Variants in OSBPL1A observed in about 807,000 individuals in gnomAD.
The protein encoded by OSBPL1A is oxysterol-binding protein-related protein 1.
A neutral mutation model predicts 137.1 loss-of-function variants in OSBPL1A; 80 were observed. The ratio of observed to expected loss-of-function variants is 0.58; its 90% CI spans 0.49 to 0.70. The LOEUF (loss-of-function observed/expected upper bound fraction) is 0.70, where lower values mean the gene tolerates loss of function less well. Among genes scored for constraint, OSBPL1A ranks in the 30% least tolerant of loss-of-function variants. The pLI is 0.00. For missense variants in OSBPL1A, 970 were observed against 1,129.4 expected (o/e 0.86, Z 2.02); for synonymous variants, 365 against 389.7 (o/e 0.94, Z 0.75).
At chr18:24,396,000 C>G (rs929695416) in intron 1 of OSBPL1A, among the ~76,000 whole-genome samples, 5 of 150,060 alleles carry the variant, frequency 3.3e-5, no homozygotes, top group African/African-American at 1.2e-4. Flanking sequence ...GCAGGCGGAT[C>G]ATAAGGTCAG....
At chr18:24,297,639 T>C (rs2090317225) in intron 14 of OSBPL1A, among the ~76,000 whole-genome samples, 4 of 152,224 alleles carry the variant, frequency 2.6e-5, no homozygotes, top group Admixed American at 2.6e-4. Flanking sequence ...CCATCTTGAT[T>C]TGTTAACTCA....
chr18:24,209,456 A>G (rs2087470156), intron 17 of OSBPL1A, among the ~76,000 whole-genome samples: 1 of 152,260 alleles, frequency 6.6e-6, no homozygotes, highest in African/African-American at 2.4e-5. Context: ...GCAAAATGGT[A>G]CATATTCAGG....
At position 24,162,635 on chromosome 18, in the gene OSBPL1A, T is replaced by C. The variant is rs1288357805; in HGVS notation, c.*544A>G. 6.6e-6 allele frequency: 1 copy of C among 152,170 alleles called. No homozygotes were observed. Among genetic ancestry groups the C allele is most frequent in the Admixed American group, 6.5e-5 (1 of 15,276 alleles). The allele number at this position is 152,170 out of a possible 1,614,324, so 9.4% of individuals were successfully genotyped here. On this transcript the variant is annotated 3_prime_UTR_variant, in exon 28 of 28. Transcript: ENST00000319481. ...GAATATTCAGGCATTTTTTTTCTTC[T>C]TGGAAGATGGAAGGGGTAACATTGG...
At chr18:24,334,387 T>C in intron 5 of OSBPL1A, 57 bp from the exon 6 acceptor site, 1 of 1,393,474 alleles carries the variant, frequency 7.2e-7, no homozygotes, top group Non-Finnish European at 9.9e-7. Context: ...TACAAATTCA[T>C]TATAAAGAAT....
chr18:24,336,390 T>C (rs2091174387), intron 5 of OSBPL1A, among the ~76,000 whole-genome samples: 1 of 152,186 alleles, frequency 6.6e-6, no homozygotes, highest in Admixed American at 6.5e-5. Context: ...GTTCCTGTCC[T>C]GTATTCTTTC....
chr18:24,295,582 A>G (rs2090274540), intron 14 of OSBPL1A, among the ~76,000 whole-genome samples: 1 of 152,196 alleles, frequency 6.6e-6, no homozygotes, highest in South Asian at 2.1e-4. Context: ...TGATTTTTAT[A>G]TAAGGCAGAG....
chr18:24,315,940 A>T (rs1372696505), intron 11 of OSBPL1A, among the ~76,000 whole-genome samples: 7 of 140,338 alleles, frequency 5.0e-5, no homozygotes, highest in African/African-American at 1.6e-4. Flanking sequence ...AATAATATTA[A>T]TAATATTAAG....
intron 17 of OSBPL1A, among the ~76,000 whole-genome samples, chr18:24,214,302 G>T (rs2087630339): frequency 6.6e-6 from 1 of 152,224 alleles, no homozygotes. Flanking sequence ...ATGCTGCACA[G>T]ATCAGAGCTA....
chr18:24,344,337 C>A (rs2091313181), intron 4 of OSBPL1A, among the ~76,000 whole-genome samples: 1 of 152,136 alleles, frequency 6.6e-6, no homozygotes, highest in Non-Finnish European at 1.5e-5. Flanking sequence ...GTAGTCCCAG[C>A]AGCTACTCAG....
chr18:24,308,147 A>C (rs1599645291), intron 13 of OSBPL1A, among the ~76,000 whole-genome samples: 3 of 143,246 alleles, frequency 2.1e-5, no homozygotes, highest in African/African-American at 2.6e-5. Context: ...ACAGGGTCTC[A>C]CTCTGTCGCC....
In OSBPL1A at chr18:24,189,796, G is replaced by A. The variant is rs796178860; in HGVS notation, c.1677+6329C>T. ...ATAGCTGCCTGCGGCCGCTCTGGAT[G>A]GGCAGTTTGAAAAAGAGCCTGCTGC... On this transcript the variant is annotated intron_variant, in intron 18 of 27. Coordinates refer to ENST00000319481, the MANE Select transcript of OSBPL1A (RefSeq NM_080597.4). Among the ~76,000 whole-genome samples the A allele has an allele frequency of 1.3e-4, 20 of 152,276 alleles. 1 individual carries two copies. The highest frequency in any genetic ancestry group is 4.6e-4 in the African/African-American group (19 of 41,558).
intron 2 of OSBPL1A, 52 bp from the exon 3 acceptor site, chr18:24,368,424 C>T: frequency 7.3e-7 from 1 of 1,363,470 alleles, no homozygotes; most frequent in African/African-American, 1.4e-5. Flanking sequence ...GGTAATTTTA[C>T]AACGAAATTA....
intron 21 of OSBPL1A, among the ~76,000 whole-genome samples, chr18:24,175,103 T>TATATATATATATATATATATAC (rs1567919871): frequency 3.0e-4 from 11 of 37,052 alleles, no homozygotes; most frequent in African/African-American, 1.2e-3. Flanking sequence ...ATTTGCCATG[T>TATATATATATATATATATATAC]GTATGTATAT....
At chr18:24,299,104 G>C (rs1362297279) in intron 14 of OSBPL1A, among the ~76,000 whole-genome samples, 1 of 152,020 alleles carries the variant, frequency 6.6e-6, no homozygotes, top group African/African-American at 2.4e-5. Context: ...CCTTTACCTT[G>C]AGTTTATATG....
intron 14 of OSBPL1A, among the ~76,000 whole-genome samples, chr18:24,298,529 T>G (rs1266844871): frequency 2.0e-5 from 3 of 152,178 alleles, no homozygotes; most frequent in Admixed American, 2.0e-4. Flanking sequence ...GTCTTTTTAG[T>G]AGAGACGGGG....
At chr18:24,238,654 T>C (rs946985121) in intron 16 of OSBPL1A, among the ~76,000 whole-genome samples, 3 of 152,324 alleles carry the variant, frequency 2.0e-5, no homozygotes, top group East Asian at 1.9e-4. Flanking sequence ...CACAGCTGGC[T>C]AGTGACAGAA....
intron 14 of OSBPL1A, among the ~76,000 whole-genome samples, chr18:24,281,682 C>G (rs548164416): frequency 6.6e-6 from 1 of 152,338 alleles, no homozygotes; most frequent in African/African-American, 2.4e-5. Context: ...TGAGCCACTG[C>G]ACCCAGCCTC....
chr18:24,370,366 C>T (rs1430933899), intron 2 of OSBPL1A, among the ~76,000 whole-genome samples: 1 of 152,178 alleles, frequency 6.6e-6, no homozygotes, highest in Admixed American at 6.5e-5. Flanking sequence ...CAGTGGCCTG[C>T]CCCTCACCAA....
At chr18:24,274,823 C>A (rs776319377) in intron 15 of OSBPL1A, among the ~76,000 whole-genome samples, 2 of 151,768 alleles carry the variant, frequency 1.3e-5, no homozygotes, top group Non-Finnish European at 2.9e-5. Context: ...GCAGGAGAAT[C>A]GCTTGAACCC....
Sources: allele counts gnomAD v4.1 joint callset (sites outside exome capture counted in the v4.1 genomes callset), GRCh38; gene constraint gnomAD v4.1.1; transcripts MANE v1.5; gene names NCBI Gene and HGNC (gene_info 2026-07-23, HGNC 2026-07-21).